The following RUNDC3B variants were observed in gnomAD, a reference collection of about 807,000 sequenced individuals.
RUNDC3B encodes RUN domain-containing protein 3B.
Under a neutral mutation model 58.4 loss-of-function variants are expected in RUNDC3B, and 33 were observed. The observed-to-expected ratio is 0.56, with a 90% CI of 0.43 to 0.75. The LOEUF is 0.75. Among genes scored for constraint, RUNDC3B ranks in the 30% least tolerant of loss-of-function variants. The pLI is 0.00. For missense variants in RUNDC3B, 501 were observed against 535.7 expected (o/e 0.94, Z 0.64); for synonymous variants, 193 against 195.2 (o/e 0.99, Z 0.10).
chr7:87,658,048 G>T (rs1238187495), intron 2 of RUNDC3B, among the ~76,000 whole-genome samples: 1 of 152,130 alleles, frequency 6.6e-6, no homozygotes, highest in Non-Finnish European at 1.5e-5. Flanking sequence ...ATCTCAGATT[G>T]CATAATAAAA....
intron 4 of RUNDC3B, among the ~76,000 whole-genome samples, chr7:87,727,739 TGCA>T (rs1831324153): frequency 6.6e-6 from 1 of 152,186 alleles, no homozygotes; most frequent in Admixed American, 6.6e-5. Flanking sequence ...ATCAAGAGGA[TGCA>T]TGTCTCTTTG....
At chr7:87,697,433 A>G (rs1828589192) in intron 2 of RUNDC3B, among the ~76,000 whole-genome samples, 1 of 152,246 alleles carries the variant, frequency 6.6e-6, no homozygotes, top group African/African-American at 2.4e-5. Flanking sequence ...GATCCCAGAT[A>G]ATAGAAGTCA....
At chr7:87,765,371 C>T (rs190757373) in intron 6 of RUNDC3B, among the ~76,000 whole-genome samples, 1 of 151,730 alleles carries the variant, frequency 6.6e-6, no homozygotes, top group African/African-American at 2.4e-5. Flanking sequence ...TTTTCTAGTT[C>T]CTTGAAGTGT....
chr7:87,825,546 C>T (rs1837758021), intron 10 of RUNDC3B, among the ~76,000 whole-genome samples: 1 of 152,230 alleles, frequency 6.6e-6, no homozygotes, highest in Non-Finnish European at 1.5e-5. Flanking sequence ...AACCCCCACA[C>T]AGAGTCCCTA....
At chr7:87,698,335 C>G (rs2130680996) in intron 2 of RUNDC3B, among the ~76,000 whole-genome samples, 1 of 152,250 alleles carries the variant, frequency 6.6e-6, no homozygotes, top group East Asian at 1.9e-4. Context: ...ACCACATGAT[C>G]CTCCCACCTC....
At chr7:87,819,516 T>G (rs1837287091) in intron 10 of RUNDC3B, among the ~76,000 whole-genome samples, 2 of 152,066 alleles carry the variant, frequency 1.3e-5, no homozygotes, top group African/African-American at 4.8e-5. Flanking sequence ...GGAATTGAAC[T>G]CAGCTCTGCA....
chr7:87,789,107 C>A (rs1022254527), intron 8 of RUNDC3B, among the ~76,000 whole-genome samples: 13 of 152,116 alleles, frequency 8.5e-5, no homozygotes, highest in Non-Finnish European at 1.5e-4. Context: ...ACAAATGATT[C>A]TTTGTAAAAC....
chr7:87,628,659 C>G lies in RUNDC3B; in HGVS notation c.-165C>G. 1 of 403,418 alleles carries G rather than the reference C, an allele frequency of 2.5e-6. No homozygotes were observed. The highest frequency in any genetic ancestry group is 4.3e-6 in the Non-Finnish European group (1 of 234,692). 25.0% of individuals were successfully genotyped at this position (403,418 alleles called of 1,614,324 possible). On this transcript the variant is annotated 5_prime_UTR_variant, in exon 1 of 11. Transcript: ENST00000394654. ...GTGCCAAGGGCGAGCCGTCAGTCCC[C>G]GGGTGCGAGTCCCTGCTGTCTTCCA... is the stretch of plus-strand genomic sequence containing the variant.
At chr7:87,743,799 A>G (rs1832487978) in intron 6 of RUNDC3B, among the ~76,000 whole-genome samples, 1 of 152,180 alleles carries the variant, frequency 6.6e-6, no homozygotes, top group African/African-American at 2.4e-5. Flanking sequence ...TTTGCCGTGC[A>G]AAAGCTCTTT....
chr7:87,685,345 A>T (rs1198226344), intron 2 of RUNDC3B, among the ~76,000 whole-genome samples: 1 of 152,222 alleles, frequency 6.6e-6, no homozygotes, highest in Non-Finnish European at 1.5e-5. Flanking sequence ...GATGTTCAAC[A>T]TCATTAGTAA....
At chr7:87,812,103 C>G (rs1351950749) in intron 9 of RUNDC3B, among the ~76,000 whole-genome samples, 1 of 152,086 alleles carries the variant, frequency 6.6e-6, no homozygotes, top group African/African-American at 2.4e-5. Context: ...TCATTTATTA[C>G]TTCTGATTAT....
At chr7:87,825,789 A>G (rs1436524510) in intron 10 of RUNDC3B, among the ~76,000 whole-genome samples, 2 of 152,212 alleles carry the variant, frequency 1.3e-5, no homozygotes, top group Non-Finnish European at 2.9e-5. Flanking sequence ...TGAGACAGGG[A>G]GTCAAAGGAG....
intron 4 of RUNDC3B, among the ~76,000 whole-genome samples, chr7:87,732,186 A>G (rs1289364889): frequency 5.3e-5 from 8 of 152,218 alleles, no homozygotes; most frequent in Admixed American, 5.2e-4. Context: ...AAATTTAAGA[A>G]GAAAATTTAA....
intron 8 of RUNDC3B, among the ~76,000 whole-genome samples, chr7:87,790,693 T>C (rs1835478589): frequency 6.6e-6 from 1 of 151,956 alleles, no homozygotes; most frequent in South Asian, 2.1e-4. Flanking sequence ...ATGCAATTGA[T>C]ATACTGAAGA....
intron 6 of RUNDC3B, among the ~76,000 whole-genome samples, chr7:87,763,056 T>G (rs1237563974): frequency 6.6e-6 from 1 of 151,570 alleles, no homozygotes; most frequent in African/African-American, 2.4e-5. Context: ...TTTTCCCTCA[T>G]TTTATTCCTC....
intron 9 of RUNDC3B, among the ~76,000 whole-genome samples, chr7:87,813,964 G>C (rs1191586433): frequency 6.7e-6 from 1 of 148,574 alleles, no homozygotes; most frequent in Non-Finnish European, 1.5e-5. Flanking sequence ...CTGGGCGACA[G>C]AGCGAGACTC....
At chr7:87,750,799 G>T (rs1287695288) in intron 6 of RUNDC3B, among the ~76,000 whole-genome samples, 2 of 150,750 alleles carry the variant, frequency 1.3e-5, no homozygotes, top group East Asian at 3.9e-4. Flanking sequence ...AGATGAGTAG[G>T]TTGCGAAAAT....
intron 10 of RUNDC3B, among the ~76,000 whole-genome samples, chr7:87,824,813 A>G (rs1333223786): frequency 2.6e-5 from 4 of 152,178 alleles, no homozygotes; most frequent in Non-Finnish European, 1.5e-5. Context: ...ATATTTTAGC[A>G]AAGAGACTGG....
intron 2 of RUNDC3B, among the ~76,000 whole-genome samples, chr7:87,672,269 T>C (rs754852391): frequency 3.3e-5 from 5 of 152,210 alleles, no homozygotes; most frequent in Non-Finnish European, 7.3e-5. Context: ...TAGCCACATT[T>C]TGGTAGAGCA....
Sources: gnomAD v4.1 joint callset for allele counts (sites outside exome capture counted in the v4.1 genomes callset) on GRCh38, gnomAD v4.1.1 for gene constraint, MANE v1.5 for transcripts, NCBI Gene and HGNC (gene_info 2026-07-23, HGNC 2026-07-21) for gene names.